Variants in SPOCK3 observed in about 807,000 individuals in gnomAD.
SPOCK3 encodes the protein testican-3.
Under a neutral mutation model 56.6 loss-of-function variants are expected in SPOCK3, and 30 were observed. That is an observed-to-expected ratio of 0.53 (90% CI 0.40 to 0.72). The LOEUF (loss-of-function observed/expected upper bound fraction) is 0.72. Among genes scored for constraint, SPOCK3 ranks in the 30% least tolerant of loss-of-function variants. The pLI is 0.00. For synonymous variants in SPOCK3, 196 were observed against 183.3 expected, an observed-to-expected ratio of 1.07 and a Z score of -0.56; for missense variants, 527 against 530.0, an observed-to-expected ratio of 0.99 and a Z score of 0.06.
chr4:167,011,473 T>C (rs1561117674), intron 3 of SPOCK3, among the ~76,000 whole-genome samples: 7 of 152,340 alleles, frequency 4.6e-5, no homozygotes. Context: ...TTCAAATCTT[T>C]GTTATTTATT....
chr4:166,963,239 G>A (rs1455088304), intron 4 of SPOCK3, among the ~76,000 whole-genome samples: 2 of 151,932 alleles, frequency 1.3e-5, no homozygotes, highest in East Asian at 3.9e-4. Context: ...AGTTAAGTAA[G>A]AGCATCTTTT....
intron 2 of SPOCK3, among the ~76,000 whole-genome samples, chr4:167,168,319 G>A (rs1011740947): frequency 6.6e-6 from 1 of 152,130 alleles, no homozygotes; most frequent in Non-Finnish European, 1.5e-5. Flanking sequence ...AAGAAGATAG[G>A]AAAATCTAGG....
At chr4:166,769,856 G>T (rs1382118446) in intron 7 of SPOCK3, among the ~76,000 whole-genome samples, 2 of 152,148 alleles carry the variant, frequency 1.3e-5, no homozygotes. Context: ...CTTCCTGGCA[G>T]CTTTGTTTAC....
intron 9 of SPOCK3, among the ~76,000 whole-genome samples, chr4:166,738,969 C>T (rs1329782550): frequency 2.6e-5 from 4 of 151,934 alleles, no homozygotes; most frequent in Non-Finnish European, 5.9e-5. Flanking sequence ...ATTTATAGTC[C>T]TTTGGGTATA....
chr4:167,214,333 C>A (rs1019946252), intron 2 of SPOCK3, among the ~76,000 whole-genome samples: 10 of 151,960 alleles, frequency 6.6e-5, no homozygotes, highest in African/African-American at 1.9e-4. Flanking sequence ...AGATTATAAA[C>A]CCCACTTGTC....
At chr4:166,800,932 A>C (rs75607920) in intron 6 of SPOCK3, among the ~76,000 whole-genome samples, 22 of 152,224 alleles carry the variant, frequency 1.4e-4, no homozygotes, top group Admixed American at 4.6e-4. Context: ...CGTCCTATAT[A>C]CATGTATCAT....
chr4:167,185,467 T>C (rs569883505), intron 2 of SPOCK3, among the ~76,000 whole-genome samples: 11 of 152,180 alleles, frequency 7.2e-5, no homozygotes, highest in Non-Finnish European at 1.5e-4. Flanking sequence ...TAACTTTTTT[T>C]TCTCATTCCT....
chr4:166,830,718 G>T (rs1260702031), intron 6 of SPOCK3, among the ~76,000 whole-genome samples: 1 of 151,962 alleles, frequency 6.6e-6, no homozygotes, highest in Non-Finnish European at 1.5e-5. Context: ...TGGGCACAGA[G>T]TAAGACTTTG....
intron 4 of SPOCK3, among the ~76,000 whole-genome samples, chr4:166,953,012 A>G (rs543576028): frequency 2.6e-4 from 40 of 151,934 alleles, no homozygotes; most frequent in African/African-American, 9.4e-4. Flanking sequence ...ACCATTCAGG[A>G]CATAGGCATG....
At chr4:166,871,483 T>C (rs1304819339) in intron 6 of SPOCK3, among the ~76,000 whole-genome samples, 1 of 152,086 alleles carries the variant, frequency 6.6e-6, no homozygotes, top group Non-Finnish European at 1.5e-5. Context: ...CTTGGCAGAC[T>C]CAAACCACCA....
In SPOCK3 at chr4:167,149,653, G is replaced by A. The variant is rs1056062906; in HGVS notation, c.189+84332C>T. On this transcript the variant is annotated intron_variant, in intron 2 of 10. Coordinates refer to ENST00000357545, the MANE Select transcript of SPOCK3 (RefSeq NM_001040159.2). ...ATTAGTGTTTGCACATGAACACATGGCTATTACTATTGCATGACATTGCTT... is the reference window on the plus strand; with the variant it reads ...ATTAGTGTTTGCACATGAACACATGACTATTACTATTGCATGACATTGCTT... Among the ~76,000 whole-genome samples the A allele has an allele frequency of 2.8e-4, 42 of 151,924 alleles. 1 individual carries two copies. The highest frequency in any genetic ancestry group is 2.6e-3 in the Admixed American group (39 of 15,232).
At chr4:167,219,930 T>C (rs1239904014) in intron 2 of SPOCK3, among the ~76,000 whole-genome samples, 2 of 152,156 alleles carry the variant, frequency 1.3e-5, no homozygotes, top group Non-Finnish European at 2.9e-5. Flanking sequence ...CTTCAAAATA[T>C]ATGTAGACAA....
At chr4:167,014,504 A>C (rs1156587154) in intron 3 of SPOCK3, among the ~76,000 whole-genome samples, 1 of 151,984 alleles carries the variant, frequency 6.6e-6, no homozygotes, top group Non-Finnish European at 1.5e-5. Flanking sequence ...TAAAATAAAA[A>C]TTTAGCCGAG....
intron 2 of SPOCK3, among the ~76,000 whole-genome samples, chr4:167,126,570 C>A (rs967717652): frequency 4.0e-5 from 6 of 151,230 alleles, no homozygotes; most frequent in South Asian, 2.1e-4. Flanking sequence ...AAAAAAAGTT[C>A]ATTGCCAACA....
At chr4:167,154,176 G>C (rs815220) in intron 2 of SPOCK3, among the ~76,000 whole-genome samples, 152,161 of 152,286 alleles carry the variant, frequency 1, 76,018 homozygotes, top group Middle Eastern at 1. Flanking sequence ...TAGACTTCAC[G>C]TAAGTGATCC....
intron 4 of SPOCK3, among the ~76,000 whole-genome samples, chr4:166,946,820 A>G (rs971639370): frequency 1.3e-5 from 2 of 152,208 alleles, no homozygotes; most frequent in Admixed American, 1.3e-4. Flanking sequence ...GTTTTCTCAC[A>G]GATAGCACCT....
At chr4:166,997,304 C>T (rs1465111156) in intron 4 of SPOCK3, among the ~76,000 whole-genome samples, 2 of 152,030 alleles carry the variant, frequency 1.3e-5, no homozygotes, top group Non-Finnish European at 2.9e-5. Flanking sequence ...GCACATGTAT[C>T]CCGGAACTTA....
intron 2 of SPOCK3, among the ~76,000 whole-genome samples, chr4:167,187,729 A>G (rs1732123977): frequency 6.6e-6 from 1 of 152,162 alleles, no homozygotes. Context: ...AATTTTAGAA[A>G]AATGAACTCC....
chr4:167,113,371 C>T (rs1034673871), intron 2 of SPOCK3, among the ~76,000 whole-genome samples: 5 of 138,128 alleles, frequency 3.6e-5, no homozygotes, highest in Admixed American at 3.0e-4. Flanking sequence ...GTTCTTCTTA[C>T]AATTTTTTTT....
Sources: gnomAD v4.1 joint callset for allele counts (sites outside exome capture counted in the v4.1 genomes callset) on GRCh38, gnomAD v4.1.1 for gene constraint, MANE v1.5 for transcripts, NCBI Gene and HGNC (gene_info 2026-07-23, HGNC 2026-07-21) for gene names.